Variants in ZBTB48 observed in about 807,000 individuals in gnomAD.
ZBTB48 encodes the protein zinc finger and BTB domain-containing protein 48.
In ZBTB48, 35 loss-of-function variants were observed where a neutral mutation model predicts 64.5. The ratio of observed to expected loss-of-function variants is 0.54; its 90% CI spans 0.41 to 0.72. The LOEUF (loss-of-function observed/expected upper bound fraction) is 0.72. Among genes scored for constraint, ZBTB48 ranks in the 30% least tolerant of loss-of-function variants. The pLI is 0.00. For missense variants in ZBTB48, 828 were observed against 895.3 expected (o/e 0.92, Z 0.96); for synonymous variants, 442 against 356.7 (o/e 1.24, Z -2.70).
intron 7 of ZBTB48, among the ~76,000 whole-genome samples, 161 bp from the exon 8 acceptor site, chr1:6,587,899 C>T (rs376454701): frequency 2.0e-5 from 3 of 152,154 alleles, no homozygotes; most frequent in Admixed American, 6.5e-5. Flanking sequence ...TTTCCTGTGA[C>T]TCCTGCTCAT....
In ZBTB48 at chr1:6,580,200, C is replaced by T. The variant is rs1248905654; in HGVS notation, c.-70+64C>T. ...GCCGCCGTGGCTGCCTTCCGCTCGG[C>T]CGCTCGGGACCTGTGGGCGCGGCGT... On this transcript the variant is annotated intron_variant, in intron 1 of 10. Transcript: ENST00000377674. This position sits in a 1 kb window ranked among gnomAD's most constrained non-coding sequence, Gnocchi z 5.2. 5.1e-6 allele frequency: 1 copy of T among 197,444 alleles called. No individual in the cohort carries two copies. 12.2% of individuals were successfully genotyped at this position (197,444 alleles called of 1,614,324 possible).
At chr1:6,586,509 G>T (rs1640672156) in intron 4 of ZBTB48, 186 bp from the exon 5 acceptor site, 2 of 1,266,036 alleles carry the variant, frequency 1.6e-6, no homozygotes, top group Non-Finnish European at 2.1e-6. Flanking sequence ...GGCCTGGTGT[G>T]CGGTGGGCTT....
At chr1:6,586,849 C>T (rs774775162) in intron 5 of ZBTB48, 62 bp downstream of exon 5, 8 of 1,557,722 alleles carry the variant, frequency 5.1e-6, no homozygotes, top group Admixed American at 1.9e-5. Flanking sequence ...CCTGCTGAGC[C>T]CTTTACGTGG....
intron 4 of ZBTB48, 74 bp downstream of exon 4, chr1:6,586,104 GC>G: frequency 6.8e-7 from 1 of 1,467,512 alleles, no homozygotes; most frequent in Non-Finnish European, 9.5e-7. Context: ...TCCGGGAAGG[GC>G]CCCAGGAGAC....
chr1:6,588,038 C>T, intron 7 of ZBTB48, 22 bp from the exon 8 acceptor site: 1 of 1,613,592 alleles, frequency 6.2e-7, no homozygotes, highest in Non-Finnish European at 8.5e-7. Context: ...ATGGCCTCTG[C>T]CCCATGTCCC....
At position 6,580,465 on chromosome 1, in the gene ZBTB48, T is replaced by A; in HGVS notation, c.-69-76T>A. On this transcript the variant is annotated intron_variant, in intron 1 of 10. Transcript: ENST00000377674. This position sits in a 1 kb window ranked among gnomAD's most constrained non-coding sequence, Gnocchi z 5.2. ...AGCCCTCCGCGTGCACCCCTCACCC[T>A]GACCCAAGCCCTCGTGCTGATAAAT... 1.2e-6 allele frequency: 1 copy of A among 853,384 alleles called. No individual in the cohort carries two copies. The highest frequency in any genetic ancestry group is 1.8e-6 in the Non-Finnish European group (1 of 565,494). The allele number at this position is 853,384 out of a possible 1,614,324, so 52.9% of individuals were successfully genotyped here. A position where few individuals can be genotyped will look rare whatever the true frequency, so the allele number is the denominator to read the frequency against.
In ZBTB48 at chr1:6,587,118, C is replaced by G. The variant is rs752634831; in HGVS notation, c.1138-87C>G. ...AGAATCATCTCACCGGGGCCTCCCTCTAGTTCCTGCCCTATAGCCCAAGGG... is the reference window on the plus strand; with the variant it reads ...AGAATCATCTCACCGGGGCCTCCCTGTAGTTCCTGCCCTATAGCCCAAGGG... On this transcript the variant is annotated intron_variant, in intron 5 of 10. Transcript: ENST00000377674. The G allele has an allele frequency of 1.2e-5, 17 of 1,423,194 alleles. 1 individual carries two copies. The South Asian group carries it at 1.4e-4, about 12-fold the overall frequency. 88.2% of individuals were successfully genotyped at this position (1,423,194 alleles called of 1,614,324 possible). A position where few individuals can be genotyped will look rare whatever the true frequency, so the allele number is the denominator to read the frequency against.
intron 3 of ZBTB48, among the ~76,000 whole-genome samples, chr1:6,583,183 G>GT (rs1458454314): frequency 6.7e-6 from 1 of 149,760 alleles, no homozygotes; most frequent in Non-Finnish European, 1.5e-5. Context: ...TAGAGACGGG[G>GT]TTTCACCATG....
chr1:6,587,181 G>T (rs1410788529), intron 5 of ZBTB48, 24 bp from the exon 6 acceptor site: 8 of 1,613,628 alleles, frequency 5.0e-6, no homozygotes, highest in Non-Finnish European at 6.8e-6. Flanking sequence ...CCGCCCTGGA[G>T]GTGACTGTGG....
rs1239145286 is a variant in ZBTB48, at chr1:6,587,679, C to G, written c.1379+47C>G. ...TTGGGGCCCAGTCCTGCTGCCAGCCCAGGCTTGCACCGGCAGGGAAGACAG... is the reference window on the plus strand; with the variant it reads ...TTGGGGCCCAGTCCTGCTGCCAGCCGAGGCTTGCACCGGCAGGGAAGACAG... On this transcript the variant is annotated intron_variant, in intron 7 of 10. Coordinates refer to ENST00000377674, the MANE Select transcript of ZBTB48 (RefSeq NM_005341.4). 3.7e-6 allele frequency: 6 copies of G among 1,605,374 alleles called. No homozygotes were observed. In the Admixed American group the frequency reaches 8.4e-5, roughly 22 times the overall value.
In ZBTB48 at chr1:6,587,251, G is replaced by A. The variant is rs758486159; in HGVS notation, c.1184G>A (p.Ser395Asn). Reference protein sequence around the residue: ...QQFMQKKDLQSHMIKLHGAPK... With the variant: ...QQFMQKKDLQNHMIKLHGAPK... Reference sequence around the variant, plus strand: ...TTCATGCAGAAGAAGGACTTGCAGAGCCACATGATCAAACTTCATGGAGCC... The same window carrying A: ...TTCATGCAGAAGAAGGACTTGCAGAACCACATGATCAAACTTCATGGAGCC... Residue 395 changes from serine to asparagine, a missense_variant, in exon 6 of 11, where the codon AGC becomes AAC. By Grantham distance (46) the Ser-to-Asn change is conservative. Coordinates refer to ENST00000377674, the MANE Select transcript of ZBTB48 (RefSeq NM_005341.4). The A allele has an allele frequency of 5.6e-6, 9 of 1,614,086 alleles. No homozygotes were observed. In the South Asian group the frequency reaches 8.8e-5, roughly 16 times the overall value.
chr1:6,587,011 G>GAC lies in ZBTB48; in HGVS notation c.1138-192_1138-191dup, dbSNP rs746182458. On this transcript the variant is annotated intron_variant, in intron 5 of 10. Coordinates refer to ENST00000377674, the MANE Select transcript of ZBTB48 (RefSeq NM_005341.4). The stretch of plus-strand genomic sequence containing the variant: ...TAGGCCCTTGTTTCTTTCCATGGAG[G>GAC]ACAGGCTTGGCATCCTCTGGGCAGC... 1.0e-4 allele frequency: 87 copies of GAC among 853,368 alleles called. No individual in the cohort carries two copies. The African/African-American group carries it at 1.4e-3, about 14-fold the overall frequency. 52.9% of individuals were successfully genotyped at this position (853,368 alleles called of 1,614,324 possible). A position where few individuals can be genotyped will look rare whatever the true frequency, so the allele number is the denominator to read the frequency against.
At chr1:6,586,361 C>T in intron 4 of ZBTB48, 1 of 501,062 alleles carries the variant, frequency 2.0e-6, no homozygotes, top group South Asian at 2.7e-5. Context: ...CCCCCAGCAA[C>T]CCCACTGCTG....
At position 6,580,424 on chromosome 1, in the gene ZBTB48, G is replaced by T. The variant is rs1474253536; in HGVS notation, c.-69-117G>T. 3.1e-6 allele frequency: 2 copies of T among 636,258 alleles called. No homozygotes were observed. The highest frequency in any genetic ancestry group is 5.5e-5 in the East Asian group (2 of 36,190). The allele number at this position is 636,258 out of a possible 1,614,324, so 39.4% of individuals were successfully genotyped here. A position where few individuals can be genotyped will look rare whatever the true frequency, so the allele number is the denominator to read the frequency against. ...CAATATGGCCCCCGGCCCCCGGGAG[G>T]CTGTCAGTGTGTTCCAGCCCTCCGC... On this transcript the variant is annotated intron_variant, in intron 1 of 10. Transcript: ENST00000377674. This position sits in a 1 kb window ranked among gnomAD's most constrained non-coding sequence, Gnocchi z 5.2.
chr1:6,588,379 G>C lies in ZBTB48; in HGVS notation c.1618G>C (p.Val540Leu). The change falls in exon 9 of 11, where the codon GTG (valine) becomes CTG (leucine). Residue 540 changes from valine to leucine, a missense_variant. By Grantham distance (32) the Val-to-Leu change is conservative. Transcript: ENST00000377674. ...FTEKGPLLRH[V>L]ASRHQEGRPH... Reference sequence around the variant, plus strand: ...TGAGAAGGGGCCCCTCCTGAGGCACGTGGCCAGCCGCCATCAGGAGGGCCG... The same window carrying C: ...TGAGAAGGGGCCCCTCCTGAGGCACCTGGCCAGCCGCCATCAGGAGGGCCG... The C allele has an allele frequency of 6.3e-7, 1 of 1,594,238 alleles. No homozygotes were observed.
Position 6,588,984 on chromosome 1 carries a change from C to T in ZBTB48, c.1839C>T (p.Leu613=). 6.3e-7 allele frequency: 1 copy of T among 1,599,524 alleles called. No individual in the cohort carries two copies. The highest frequency in any genetic ancestry group is 8.5e-7 in the Non-Finnish European group (1 of 1,171,342). Residue 613 remains leucine, a synonymous_variant, in exon 11 of 11, where the codon CTC becomes CTT. Transcript: ENST00000377674. ...VENYNPRQRK[L]RNLIIEDEKM... ...ACTACAACCCGCGGCAGCGCAAGCTCCGCAACCTGATCATCGAGGACGAGA... is the reference window on the plus strand; with the variant it reads ...ACTACAACCCGCGGCAGCGCAAGCTTCGCAACCTGATCATCGAGGACGAGA...
intron 4 of ZBTB48, 132 bp from the exon 5 acceptor site, chr1:6,586,563 C>T: frequency 7.0e-7 from 1 of 1,420,872 alleles, no homozygotes; most frequent in Admixed American, 2.9e-5. Context: ...ATGTGTTGCC[C>T]TCTCCCACCC....
At position 6,589,104 on chromosome 1, in the gene ZBTB48, C is replaced by T; in HGVS notation, c.1959C>T (p.Ser653=). Residue 653 remains serine, a synonymous_variant, in exon 11 of 11, where the codon TCC becomes TCT. Coordinates refer to ENST00000377674, the MANE Select transcript of ZBTB48 (RefSeq NM_005341.4). ...VESLAQGGLA[S]QLPGQRLCAE... ...CCCTGGCCCAGGGCGGCCTGGCCTCCCAGCTCCCCGGCCAGAGACTGTGTG... is the reference window on the plus strand; with the variant it reads ...CCCTGGCCCAGGGCGGCCTGGCCTCTCAGCTCCCCGGCCAGAGACTGTGTG... 1 of 1,608,280 alleles carries T rather than the reference C, an allele frequency of 6.2e-7. No homozygotes were observed. Among genetic ancestry groups the T allele is most frequent in the East Asian group, 2.2e-5 (1 of 44,858 alleles).
intron 2 of ZBTB48, 120 bp from the exon 3 acceptor site, chr1:6,581,938 C>G (rs764432803): frequency 2.0e-6 from 3 of 1,467,056 alleles, no homozygotes; most frequent in Non-Finnish European, 2.8e-6. Flanking sequence ...CCTGAAGGAA[C>G]TTGTCTGATG....
Sources: allele counts gnomAD v4.1 joint callset (sites outside exome capture counted in the v4.1 genomes callset), GRCh38; gene constraint gnomAD v4.1.1; non-coding constraint Gnocchi (gnomAD v3.1); transcripts MANE v1.5; gene names NCBI Gene and HGNC (gene_info 2026-07-23, HGNC 2026-07-21).